FAM149B1: variants seen among roughly 807,000 people sequenced by gnomAD.
FAM149B1 encodes family with sequence similarity 149 member B1, also known as primary cilium assembly protein FAM149B1.
FAM149B1 carries 56 observed loss-of-function variants against 75.3 expected under a neutral mutation model. The observed-to-expected ratio is 0.74, with a 90% CI of 0.60 to 0.93. FAM149B1 has a LOEUF of 0.93. FAM149B1 is among the 40% of genes least tolerant of loss of function. The pLI is 0.00. For missense variants in FAM149B1, 639 were observed against 708.4 expected, an observed-to-expected ratio of 0.90 and a Z score of 1.11; for synonymous variants, 259 against 256.1, an observed-to-expected ratio of 1.01 and a Z score of -0.11.
intron 7 of FAM149B1, among the ~76,000 whole-genome samples, chr10:73,212,735 T>C (rs900595404): frequency 2.0e-5 from 3 of 152,214 alleles, no homozygotes; most frequent in South Asian, 2.1e-4. Context: ...GTTTATACAG[T>C]GTTCCCTTTT....
intron 7 of FAM149B1, among the ~76,000 whole-genome samples, chr10:73,211,521 T>G: frequency 6.6e-6 from 1 of 152,270 alleles, no homozygotes. Flanking sequence ...ATATTTAGTC[T>G]CTGCCCCTGA....
rs1046887998 is a variant in FAM149B1 at position 73,170,509 on chromosome 10, A to G, written c.47+2123A>G. On this transcript the variant is annotated intron_variant, in intron 1 of 13. Transcript: ENST00000242505. ...ACAGAGGAAGACTCTGTCTCAAATA[A>G]ATAAATAAATAAATAAAAATAAGAA... Among the ~76,000 whole-genome samples, 4 of 145,622 alleles carry G rather than the reference A, an allele frequency of 2.7e-5. No individual in the cohort carries two copies. The South Asian group carries it at 8.9e-4, about 32-fold the overall frequency.
intron 5 of FAM149B1, among the ~76,000 whole-genome samples, chr10:73,204,636 G>A (rs984866093): frequency 2.6e-5 from 4 of 152,064 alleles, no homozygotes; most frequent in African/African-American, 9.7e-5. Flanking sequence ...TGCCTAGGAA[G>A]GAAGAGAAAT....
In FAM149B1 at chr10:73,177,840, C is replaced by T. The variant is rs1227067546; in HGVS notation, c.153-6C>T. ...TTTCTCTCCTCCTCCCAAATTGTGC[C>T]TTTAGCAAGTCTGACATCACAAGAG... On this transcript the variant is annotated splice_region_variant and splice_polypyrimidine_tract_variant and intron_variant, in intron 2 of 13. Transcript: ENST00000242505. The T allele has an allele frequency of 1.3e-6, 2 of 1,541,954 alleles. No individual in the cohort carries two copies. The highest frequency in any genetic ancestry group is 2.0e-5 in the Admixed American group (1 of 50,176).
chr10:73,241,043 G>C lies in FAM149B1; in HGVS notation c.*24G>C, dbSNP rs1192790669. ...AAGGCAAATGAGAAGAATCTATCAGGCTGCAGGAAACACGAGATTTCATGA... is the reference window on the plus strand; with the variant it reads ...AAGGCAAATGAGAAGAATCTATCAGCCTGCAGGAAACACGAGATTTCATGA... On this transcript the variant is annotated 3_prime_UTR_variant, in exon 14 of 14. Transcript: ENST00000242505. 5.2e-6 allele frequency: 7 copies of C among 1,356,260 alleles called. No individual in the cohort carries two copies. In the Admixed American group the frequency reaches 1.2e-4, roughly 23 times the overall value. The allele number at this position is 1,356,260 out of a possible 1,614,324, so 84.0% of individuals were successfully genotyped here. A position where few individuals can be genotyped will look rare whatever the true frequency, so the allele number is the denominator to read the frequency against.
intron 3 of FAM149B1, among the ~76,000 whole-genome samples, chr10:73,190,731 T>TC (rs2042662711): frequency 1.3e-5 from 2 of 151,746 alleles, no homozygotes; most frequent in South Asian, 4.2e-4. Context: ...CTTTTTTTTT[T>TC]TTTTTTTAAG....
In FAM149B1 at chr10:73,212,867, C is replaced by G. The variant is rs1589169826; in HGVS notation, c.898+2429C>G. Reference sequence around the variant, plus strand: ...TCACTCTCTCTCTCTCTCTGTGTTTCTCTCTCTCTCTGTCACCCAGGCTGG... The same window carrying G: ...TCACTCTCTCTCTCTCTCTGTGTTTGTCTCTCTCTCTGTCACCCAGGCTGG... On this transcript the variant is annotated intron_variant, in intron 7 of 13. Transcript: ENST00000242505. Among the ~76,000 whole-genome samples the G allele has an allele frequency of 3.3e-5, 5 of 150,776 alleles. 1 individual carries two copies. Among genetic ancestry groups the G allele is most frequent in the Admixed American group, 3.3e-4 (5 of 15,178 alleles).
intron 3 of FAM149B1, among the ~76,000 whole-genome samples, chr10:73,180,508 A>T (rs897518378): frequency 6.6e-6 from 1 of 152,204 alleles, no homozygotes; most frequent in Non-Finnish European, 1.5e-5. Flanking sequence ...AGTTCTCTCT[A>T]TATTATGATT....
Position 73,228,461 on chromosome 10 carries a change from G to A in FAM149B1, c.1023+277G>A, listed in dbSNP as rs373505583. 3.1e-4 allele frequency among the ~76,000 whole-genome samples: 47 copies of A among 152,204 alleles called. 1 individual carries two copies. In the South Asian group the frequency reaches 9.3e-3, roughly 30 times the overall value. On this transcript the variant is annotated intron_variant, in intron 8 of 13. Transcript: ENST00000242505. ...ATGTGGTCAGCCTAAGTCTGTTTTG[G>A]GAAGAATGGAGGATACCCTTATGAT...
chr10:73,177,564 A>G (rs1844024802), intron 2 of FAM149B1, among the ~76,000 whole-genome samples: 1 of 147,592 alleles, frequency 6.8e-6, no homozygotes, highest in African/African-American at 2.6e-5. Flanking sequence ...ACAGCATGAG[A>G]TTCTGTCTCC....
intron 5 of FAM149B1, among the ~76,000 whole-genome samples, chr10:73,207,207 G>A (rs1408743483): frequency 6.6e-6 from 1 of 152,150 alleles, no homozygotes; most frequent in African/African-American, 2.4e-5. Flanking sequence ...GCTGTGGGAA[G>A]GGGGTCACCA....
intron 3 of FAM149B1, among the ~76,000 whole-genome samples, chr10:73,184,260 A>G (rs887244172): frequency 6.6e-6 from 1 of 152,244 alleles, no homozygotes; most frequent in African/African-American, 2.4e-5. Context: ...ATAATGATAA[A>G]AGGGTCAATT....
intron 7 of FAM149B1, 87 bp from the exon 8 acceptor site, chr10:73,227,973 A>C: frequency 7.6e-7 from 1 of 1,309,820 alleles, no homozygotes; most frequent in South Asian, 1.3e-5. Context: ...TGAGATTATG[A>C]ATTCTCAGGA....
At chr10:73,236,187 A>C (rs1185773691) in intron 12 of FAM149B1, among the ~76,000 whole-genome samples, 1 of 151,520 alleles carries the variant, frequency 6.6e-6, no homozygotes, top group Admixed American at 6.6e-5. Flanking sequence ...CCTCTGTATT[A>C]GTTTCCTAGG....
intron 3 of FAM149B1, among the ~76,000 whole-genome samples, chr10:73,190,261 C>G (rs1326417751): frequency 6.7e-6 from 1 of 149,388 alleles, no homozygotes; most frequent in Non-Finnish European, 1.5e-5. Flanking sequence ...TTTTTTAGAC[C>G]CGAAGAAAGA....
intron 2 of FAM149B1, among the ~76,000 whole-genome samples, chr10:73,176,828 A>G (rs1367016560): frequency 6.6e-6 from 1 of 152,152 alleles, no homozygotes; most frequent in Non-Finnish European, 1.5e-5. Context: ...GGAGTTCAAG[A>G]CCAGCCTGGC....
rs935970485 is a variant in FAM149B1, at chr10:73,223,977, G to A, written c.899-4083G>A. On this transcript the variant is annotated intron_variant, in intron 7 of 13. Transcript: ENST00000242505. ...TTATTTCACCTTTCACAATTTACCAGTGTTGGGCTGTGAATTAATATTTTT... is the reference window on the plus strand; with the variant it reads ...TTATTTCACCTTTCACAATTTACCAATGTTGGGCTGTGAATTAATATTTTT... 3.9e-5 allele frequency among the ~76,000 whole-genome samples: 6 copies of A among 152,242 alleles called. 1 individual carries two copies. Among genetic ancestry groups the A allele is most frequent in the Admixed American group, 3.9e-4 (6 of 15,300 alleles).
intron 5 of FAM149B1, among the ~76,000 whole-genome samples, chr10:73,207,318 C>T (rs1372879315): frequency 6.6e-6 from 1 of 151,948 alleles, no homozygotes; most frequent in Non-Finnish European, 1.5e-5. Flanking sequence ...AATCCCAGCA[C>T]TTTGGGAGGC....
At chr10:73,193,326 G>T in intron 4 of FAM149B1, 151 bp from the exon 5 acceptor site, 1 of 630,100 alleles carries the variant, frequency 1.6e-6, no homozygotes, top group South Asian at 3.1e-5. Context: ...CTGTAGTAAG[G>T]CTCTGGATTC....
Sources: allele counts gnomAD v4.1 joint callset (sites outside exome capture counted in the v4.1 genomes callset), GRCh38; gene constraint gnomAD v4.1.1; transcripts MANE v1.5; gene names NCBI Gene and HGNC (gene_info 2026-07-23, HGNC 2026-07-21).